ANKRD18B: variants seen among roughly 807,000 people sequenced by gnomAD.
ANKRD18B encodes the protein ankyrin repeat domain 18B, also known as ankyrin repeat domain-containing protein 18B.
A neutral mutation model predicts 111.8 loss-of-function variants in ANKRD18B; 75 were observed. That is an observed-to-expected ratio of 0.67 (90% CI 0.56 to 0.81). The LOEUF (loss-of-function observed/expected upper bound fraction) is 0.81. Ranked by LOEUF, ANKRD18B falls within the 40% of genes least tolerant of loss-of-function variation. The pLI is 0.00. For missense variants in ANKRD18B, 1,038 were observed against 1,225.5 expected, an observed-to-expected ratio of 0.85 and a Z score of 2.28; for synonymous variants, 356 against 417.3, an observed-to-expected ratio of 0.85 and a Z score of 1.79.
chr9:33,545,893 G>A (rs1437076911), intron 10 of ANKRD18B, among the ~76,000 whole-genome samples: 1 of 152,174 alleles, frequency 6.6e-6, no homozygotes, highest in Non-Finnish European at 1.5e-5. Flanking sequence ...TTATCTAAAT[G>A]TGTAATTATG....
At chr9:33,573,344 C>T (rs1828811241), downstream of ANKRD18B, 1 of 969,508 alleles carries the variant, frequency 1.0e-6, no homozygotes, top group Non-Finnish European at 1.2e-6. Flanking sequence ...CTCATGTGGT[C>T]CCTGGCTCAG....
intron 5 of ANKRD18B, among the ~76,000 whole-genome samples, chr9:33,535,623 C>T (rs2118004520): frequency 6.7e-6 from 1 of 148,876 alleles, no homozygotes; most frequent in Admixed American, 6.7e-5. Context: ...GAAAATCTCT[C>T]ATATTTATAT....
At chr9:33,538,527 G>A (rs898875792) in intron 6 of ANKRD18B, among the ~76,000 whole-genome samples, 46 of 152,168 alleles carry the variant, frequency 3.0e-4, no homozygotes, top group African/African-American at 1.1e-3. Flanking sequence ...CTTGAGGTCA[G>A]GAGTTTGAGA....
At chr9:33,552,514 G>A (rs964196515) in intron 12 of ANKRD18B, among the ~76,000 whole-genome samples, 6 of 152,182 alleles carry the variant, frequency 3.9e-5, no homozygotes, top group African/African-American at 9.7e-5. Flanking sequence ...GGCTCAGCCT[G>A]TCTCTGCTGG....
intron 14 of ANKRD18B, among the ~76,000 whole-genome samples, chr9:33,562,697 C>T (rs1396030255): frequency 6.6e-6 from 1 of 152,162 alleles, no homozygotes; most frequent in Admixed American, 6.5e-5. Context: ...TCCATGCAAA[C>T]AAACGTGAAG....
At chr9:33,530,821 A>T (rs1319678792) in intron 3 of ANKRD18B, among the ~76,000 whole-genome samples, 1 of 152,244 alleles carries the variant, frequency 6.6e-6, no homozygotes, top group East Asian at 1.9e-4. Flanking sequence ...ATTCACTGCC[A>T]TTCAGAAAGT....
intron 10 of ANKRD18B, 121 bp downstream of exon 10, chr9:33,543,376 T>C (rs561968004): frequency 1.0e-5 from 8 of 797,520 alleles, no homozygotes; most frequent in Non-Finnish European, 1.5e-5. Flanking sequence ...AGAGCATAAT[T>C]TCATGTTGAA....
At chr9:33,527,425 G>A (rs182896471) in intron 1 of ANKRD18B, among the ~76,000 whole-genome samples, 64 of 152,186 alleles carry the variant, frequency 4.2e-4, no homozygotes, top group Non-Finnish European at 6.5e-4. Flanking sequence ...AGGTTCAAGC[G>A]ATTATCCTGC....
chr9:33,571,919 T>A (rs1328334286), intron 18 of ANKRD18B: 1 of 160,102 alleles, frequency 6.2e-6, no homozygotes, highest in African/African-American at 2.4e-5. Context: ...GTGGGATAGA[T>A]GTCCCTTCTG....
rs1177377762 is a variant in ANKRD18B at position 33,543,058 on chromosome 9, T to A, written c.1079-127T>A. On this transcript the variant is annotated intron_variant, in intron 9 of 18. Transcript: ENST00000684830. ...TTTCTTAAAAATGTAAATATTCCAG[T>A]AAACATTAAGCTTCATTTAAATTCT... 7 of 946,686 alleles carry A rather than the reference T, an allele frequency of 7.4e-6. No individual in the cohort carries two copies. In the East Asian group the frequency reaches 1.9e-4, roughly 26 times the overall value. The allele number at this position is 946,686 out of a possible 1,614,324, so 58.6% of individuals were successfully genotyped here.
chr9:33,570,118 C>A (rs1828747648), intron 17 of ANKRD18B, among the ~76,000 whole-genome samples: 1 of 152,130 alleles, frequency 6.6e-6, no homozygotes, highest in African/African-American at 2.4e-5. Flanking sequence ...TACTATGCAG[C>A]CATGAAAAGA....
At chr9:33,573,015 G>C (rs1828806386), downstream of ANKRD18B, 1 of 423,670 alleles carries the variant, frequency 2.4e-6, no homozygotes, top group Admixed American at 5.0e-5. Context: ...GGAAAGTCAT[G>C]ATTCTGGTGC....
intron 17 of ANKRD18B, among the ~76,000 whole-genome samples, chr9:33,570,856 G>A (rs182874496): frequency 2.0e-5 from 3 of 152,046 alleles, no homozygotes; most frequent in Admixed American, 2.0e-4. Context: ...CAGGATGGTC[G>A]CGATCTCTTG....
chr9:33,530,964 G>C (rs2117982651), intron 3 of ANKRD18B, among the ~76,000 whole-genome samples: 1 of 152,296 alleles, frequency 6.6e-6, no homozygotes, highest in East Asian at 1.9e-4. Flanking sequence ...TTCTCAGTTA[G>C]ATCAGTAGCA....
At chr9:33,552,744 TA>T (rs1184616388) in intron 12 of ANKRD18B, among the ~76,000 whole-genome samples, 2 of 150,696 alleles carry the variant, frequency 1.3e-5, no homozygotes, top group South Asian at 2.1e-4. Flanking sequence ...GGTCAAGAGA[TA>T]AAAAAGAGTG....
At chr9:33,560,002 C>T (rs1055620239) in intron 14 of ANKRD18B, among the ~76,000 whole-genome samples, 3 of 152,196 alleles carry the variant, frequency 2.0e-5, no homozygotes, top group South Asian at 2.1e-4. Context: ...CCACCTTCTT[C>T]GTATAGATTT....
chr9:33,554,165 G>GAGAAAGAAAGAAGGAAAAAGAA (rs1828488399), intron 12 of ANKRD18B, among the ~76,000 whole-genome samples: 1 of 119,518 alleles, frequency 8.4e-6, no homozygotes, highest in South Asian at 2.7e-4. Flanking sequence ...GAAAGAAAGA[G>GAGAAAGAAAGAAGGAAAAAGAA]AGAAAGAAAG....
rs1165053961 is a variant in ANKRD18B, at chr9:33,568,751, C to T, written c.3035C>T (p.Pro1012Leu). The T allele has an allele frequency of 2.8e-5, 43 of 1,551,278 alleles. 1 individual carries two copies. In the South Asian group the frequency reaches 3.7e-4, roughly 13 times the overall value. The change falls in exon 17 of 19, where the codon CCT (proline) becomes CTT (leucine). Residue 1012 changes from proline to leucine, a missense_variant. By Grantham distance (98) the Pro-to-Leu change is moderately conservative. Transcript: ENST00000684830. ...ATGGAATATTTTCTCAGCACTCTTC[C>T]TATGAGGCCAGACCCAGAGTTACCT... ...ERMEYFLSTLPMRPDPELPCV... is the reference protein window; with the variant it reads ...ERMEYFLSTLLMRPDPELPCV...
chr9:33,573,704 G>T (rs1215397103), downstream of ANKRD18B, among the ~76,000 whole-genome samples: 3 of 144,854 alleles, frequency 2.1e-5, 1 homozygote, highest in African/African-American at 7.3e-5. Flanking sequence ...GGGAGGGAGG[G>T]TCTGTGGGCT....
Sources: allele counts gnomAD v4.1 joint callset (sites outside exome capture counted in the v4.1 genomes callset), GRCh38; gene constraint gnomAD v4.1.1; transcripts MANE v1.5; gene names NCBI Gene and HGNC (gene_info 2026-07-23, HGNC 2026-07-21).